Variants in NIBAN1 observed in about 807,000 individuals in gnomAD.
NIBAN1 encodes the protein protein Niban 1.
A neutral mutation model predicts 75.1 loss-of-function variants in NIBAN1; 81 were observed. The ratio of observed to expected loss-of-function variants is 1.08; its 90% CI spans 0.90 to 1.30. The LOEUF (loss-of-function observed/expected upper bound fraction) is 1.30, where lower values mean the gene tolerates loss of function less well. NIBAN1 is among the 50% of genes most tolerant of loss of function. The pLI, the probability that NIBAN1 is intolerant of heterozygous loss-of-function variation, is 0.00. For missense variants in NIBAN1, 1,133 were observed against 1,128.1 expected (o/e 1.00, Z -0.06); for synonymous variants, 436 against 424.8 (o/e 1.03, Z -0.32).
intron 9 of NIBAN1, among the ~76,000 whole-genome samples, chr1:184,809,673 GTA>G (rs767621572): frequency 0.012 from 1,576 of 129,398 alleles, 12 homozygotes; most frequent in Non-Finnish European, 0.017. Flanking sequence ...ATGTGTGTGT[GTA>G]TATATATATA....
At chr1:184,935,040 G>A (rs1053217949) in intron 1 of NIBAN1, among the ~76,000 whole-genome samples, 16 of 152,124 alleles carry the variant, frequency 1.1e-4, no homozygotes, top group South Asian at 2.1e-4. Flanking sequence ...ACTGCACTCC[G>A]GCTTGGGTAA....
intron 1 of NIBAN1, among the ~76,000 whole-genome samples, chr1:184,936,032 A>AC (rs1212706985): frequency 3.9e-5 from 6 of 152,042 alleles, no homozygotes; most frequent in Admixed American, 2.0e-4. Context: ...AAAAAAAAAA[A>AC]AAAACAGGGG....
chr1:184,885,255 G>A (rs1656492255), intron 4 of NIBAN1, among the ~76,000 whole-genome samples: 1 of 151,946 alleles, frequency 6.6e-6, no homozygotes, highest in Non-Finnish European at 1.5e-5. Flanking sequence ...CACCTTGTTG[G>A]CCAGGCTCCT....
At chr1:184,901,337 G>T (rs1231519210) in intron 1 of NIBAN1, among the ~76,000 whole-genome samples, 1 of 152,130 alleles carries the variant, frequency 6.6e-6, no homozygotes, top group Admixed American at 6.6e-5. Context: ...GCATGCTTTT[G>T]CTTGCTCTGT....
chr1:184,813,308 C>G (rs1654436059), intron 9 of NIBAN1, among the ~76,000 whole-genome samples: 1 of 151,950 alleles, frequency 6.6e-6, no homozygotes, highest in South Asian at 2.1e-4. Flanking sequence ...ATTTTGAAAG[C>G]AAAATAAAAA....
chr1:184,938,259 A>C (rs1267540963), intron 1 of NIBAN1, among the ~76,000 whole-genome samples: 4 of 152,194 alleles, frequency 2.6e-5, no homozygotes, highest in Non-Finnish European at 5.9e-5. Flanking sequence ...TCAGGCAGTG[A>C]CATGGAAATG....
intron 12 of NIBAN1, among the ~76,000 whole-genome samples, chr1:184,802,900 T>C (rs186834616): frequency 7.1e-4 from 108 of 152,314 alleles, no homozygotes; most frequent in Non-Finnish European, 1.3e-3. Context: ...ACCAGGTCTG[T>C]GGCCTCGGCT....
rs780851460 is a variant in NIBAN1, at chr1:184,794,184, T to C, written c.*793A>G. ...ATAATGTTTGTTTAATTGACGGGTT[T>C]TAAGCTCGATAACTTAGCTAAGCCC... On this transcript the variant is annotated 3_prime_UTR_variant, in exon 14 of 14. Coordinates refer to ENST00000367511, the MANE Select transcript of NIBAN1 (RefSeq NM_052966.4). 1 of 152,310 alleles carries C rather than the reference T, an allele frequency of 6.6e-6. No individual in the cohort carries two copies. Among genetic ancestry groups the C allele is most frequent in the Non-Finnish European group, 1.5e-5 (1 of 68,118 alleles). The allele number at this position is 152,310 out of a possible 1,614,324, so 9.4% of individuals were successfully genotyped here.
chr1:184,902,506 T>G (rs76067829), intron 1 of NIBAN1, among the ~76,000 whole-genome samples: 1 of 152,176 alleles, frequency 6.6e-6, no homozygotes, highest in East Asian at 1.9e-4. Context: ...ATGATAATGG[T>G]GATGTGGGTG....
chr1:184,956,260 C>T (rs914851186), intron 1 of NIBAN1, among the ~76,000 whole-genome samples: 1 of 152,126 alleles, frequency 6.6e-6, no homozygotes, highest in African/African-American at 2.4e-5. Flanking sequence ...CTCCTGGTCT[C>T]AAGCGATCCT....
At chr1:184,892,980 C>T (rs547663609) in intron 3 of NIBAN1, among the ~76,000 whole-genome samples, 1 of 152,214 alleles carries the variant, frequency 6.6e-6, no homozygotes, top group South Asian at 2.1e-4. Flanking sequence ...TCATGTTGGC[C>T]ATGCTGGTCT....
intron 9 of NIBAN1, among the ~76,000 whole-genome samples, chr1:184,809,648 T>G (rs1243777852): frequency 7.0e-6 from 1 of 142,496 alleles, no homozygotes; most frequent in African/African-American, 2.7e-5. Flanking sequence ...TGTGTATATA[T>G]ATATACACAT....
intron 1 of NIBAN1, among the ~76,000 whole-genome samples, chr1:184,971,677 A>C (rs1658942151): frequency 6.6e-6 from 1 of 152,178 alleles, no homozygotes; most frequent in South Asian, 2.1e-4. Flanking sequence ...TCAAAAAAAA[A>C]GGATCATTTT....
chr1:184,841,359 G>C (rs971177598), intron 5 of NIBAN1, among the ~76,000 whole-genome samples: 6 of 152,194 alleles, frequency 3.9e-5, no homozygotes, highest in Non-Finnish European at 7.3e-5. Context: ...ATGTAAGGTT[G>C]AGCCTCATAA....
At chr1:184,958,175 T>G (rs1269909697) in intron 1 of NIBAN1, among the ~76,000 whole-genome samples, 1 of 152,140 alleles carries the variant, frequency 6.6e-6, no homozygotes, top group African/African-American at 2.4e-5. Context: ...AAGACCAGCC[T>G]GGCCAACATA....
Position 184,803,708 on chromosome 1 carries a change from C to T in NIBAN1, c.1447-16G>A, listed in dbSNP as rs552409800. ...AATCATATTGCTGTCAATAAAGAAA[C>T]ATATGTTAAATAGTAACATTACAAT... On this transcript the variant is annotated splice_polypyrimidine_tract_variant and intron_variant, in intron 11 of 13. Transcript: ENST00000367511. 1.3e-4 allele frequency: 213 copies of T among 1,604,370 alleles called. 3 individuals carry two copies. The South Asian group carries it at 2.0e-3, about 15-fold the overall frequency.
In NIBAN1 at chr1:184,836,990, G is replaced by A. The variant is rs919379920; in HGVS notation, c.602-5028C>T. ...CTGACAGATCATTAAGCAAATAAAC[G>A]ACAAAGGTTTGCTTTGTAAAAGATA... On this transcript the variant is annotated intron_variant, in intron 5 of 13. Transcript: ENST00000367511. 6.6e-5 allele frequency among the ~76,000 whole-genome samples: 10 copies of A among 152,270 alleles called. No homozygotes were observed. The East Asian group carries it at 1.5e-3, about 23-fold the overall frequency.
At chr1:184,924,106 A>G (rs1657626719) in intron 1 of NIBAN1, among the ~76,000 whole-genome samples, 1 of 152,062 alleles carries the variant, frequency 6.6e-6, no homozygotes, top group Non-Finnish European at 1.5e-5. Flanking sequence ...GATGTCCAGT[A>G]CTATGTTGAG....
intron 1 of NIBAN1, among the ~76,000 whole-genome samples, chr1:184,901,366 TTA>T (rs1656950463): frequency 6.6e-6 from 1 of 152,236 alleles, no homozygotes; most frequent in South Asian, 2.1e-4. Context: ...GGTATTACTA[TTA>T]ATCAGTATTT....
Sources: gnomAD v4.1 joint callset for allele counts (sites outside exome capture counted in the v4.1 genomes callset) on GRCh38, gnomAD v4.1.1 for gene constraint, MANE v1.5 for transcripts, NCBI Gene and HGNC (gene_info 2026-07-23, HGNC 2026-07-21) for gene names.